The following CC2D2B variants were observed in gnomAD, a reference collection of about 807,000 sequenced individuals.
The protein encoded by CC2D2B is coiled-coil and C2 domain containing 2B.
A neutral mutation model predicts 161.2 loss-of-function variants in CC2D2B; 128 were observed. The observed-to-expected ratio is 0.79, with a 90% CI of 0.69 to 0.92. CC2D2B has a LOEUF of 0.92. Among genes scored for constraint, CC2D2B ranks in the 40% least tolerant of loss-of-function variants. The pLI, the probability that CC2D2B is intolerant of heterozygous loss-of-function variation, is 0.00. For synonymous variants in CC2D2B, 391 were observed against 449.8 expected (o/e 0.87, Z 1.65); for missense variants, 1,173 against 1,375.1 (o/e 0.85, Z 2.32).
At chr10:95,924,679 A>G in intron 4 of CC2D2B, 100 bp from the exon 5 acceptor site, 1 of 787,858 alleles carries the variant, frequency 1.3e-6, no homozygotes, top group East Asian at 2.7e-5. Flanking sequence ...TTTTTAAAAG[A>G]AAAACATTGC....
At chr10:95,975,390 G>A (rs1285588711) in intron 17 of CC2D2B, among the ~76,000 whole-genome samples, 1 of 152,276 alleles carries the variant, frequency 6.6e-6, no homozygotes, top group East Asian at 1.9e-4. Flanking sequence ...CAAGGAGATC[G>A]TTGGTATGGA....
intron 24 of CC2D2B, among the ~76,000 whole-genome samples, chr10:96,003,368 G>GTTTC (rs939235526): frequency 3.3e-5 from 5 of 151,884 alleles, no homozygotes; most frequent in Admixed American, 3.3e-4. Context: ...CATTATCCCA[G>GTTTC]TTTCTGCTTG....
At chr10:96,009,229 T>G (rs1394024110) in intron 25 of CC2D2B, among the ~76,000 whole-genome samples, 4 of 152,140 alleles carry the variant, frequency 2.6e-5, no homozygotes, top group Non-Finnish European at 4.4e-5. Flanking sequence ...TTTAATCCAC[T>G]CTGACAATCT....
chr10:95,980,738 A>G (rs1408888746), intron 17 of CC2D2B, among the ~76,000 whole-genome samples: 3 of 152,226 alleles, frequency 2.0e-5, no homozygotes, highest in Non-Finnish European at 4.4e-5. Context: ...CAGAAGAATC[A>G]TCAAAGAAAT....
chr10:95,926,269 T>C (rs369948519), intron 5 of CC2D2B, among the ~76,000 whole-genome samples: 9 of 152,142 alleles, frequency 5.9e-5, no homozygotes, highest in Middle Eastern at 3.4e-3. Flanking sequence ...GGAAGAGAAA[T>C]TGGCTTCTAA....
intron 34 of CC2D2B, among the ~76,000 whole-genome samples, chr10:96,027,879 A>G (rs535447225): frequency 8.5e-5 from 13 of 152,344 alleles, no homozygotes; most frequent in Non-Finnish European, 1.5e-4. Flanking sequence ...AAGAACATAC[A>G]CTGGGGAAAA....
chr10:95,973,063 C>A (rs953049221), intron 16 of CC2D2B, among the ~76,000 whole-genome samples: 2 of 151,392 alleles, frequency 1.3e-5, no homozygotes, highest in African/African-American at 2.4e-5. Flanking sequence ...TTATTCCTTT[C>A]TTTCACCTTC....
intron 9 of CC2D2B, among the ~76,000 whole-genome samples, chr10:95,940,302 G>A (rs1469959428): frequency 6.6e-6 from 1 of 152,100 alleles, no homozygotes; most frequent in African/African-American, 2.4e-5. Flanking sequence ...CTCCAACATT[G>A]GGGGTTACAA....
In CC2D2B at chr10:96,033,016, G is replaced by T. The variant is rs2080110879; in HGVS notation, c.*1008G>T. Among the ~76,000 whole-genome samples, 1 of 152,102 alleles carries T rather than the reference G, an allele frequency of 6.6e-6. No homozygotes were observed. Among genetic ancestry groups the T allele is most frequent in the African/African-American group, 2.4e-5 (1 of 41,408 alleles). On this transcript the variant is annotated 3_prime_UTR_variant, in exon 35 of 35. Coordinates refer to ENST00000646931, the MANE Select transcript of CC2D2B (RefSeq NM_001349008.3). ...TTTTGTCCTTCATTAAAAGAAATGT[G>T]TTTATATAATTTACTTACATATGAC...
intron 34 of CC2D2B, among the ~76,000 whole-genome samples, chr10:96,029,269 T>C (rs1436751317): frequency 3.2e-4 from 23 of 71,906 alleles, no homozygotes; most frequent in South Asian, 4.2e-4. Flanking sequence ...TATATATATA[T>C]ATATATATAT....
chr10:95,926,245 A>T (rs1247852248), intron 5 of CC2D2B, among the ~76,000 whole-genome samples: 2 of 152,140 alleles, frequency 1.3e-5, no homozygotes, highest in African/African-American at 4.8e-5. Context: ...GAGTATCAGG[A>T]AAAGGGGTTA....
intron 30 of CC2D2B, among the ~76,000 whole-genome samples, chr10:96,016,970 G>T (rs552968176): frequency 9.2e-5 from 14 of 152,050 alleles, no homozygotes; most frequent in Non-Finnish European, 1.9e-4. Flanking sequence ...CACCCGCCTT[G>T]GTCTCCCAAA....
intron 5 of CC2D2B, among the ~76,000 whole-genome samples, chr10:95,926,688 A>C (rs976067805): frequency 6.6e-6 from 1 of 152,158 alleles, no homozygotes; most frequent in Admixed American, 6.5e-5. Context: ...GTGATTTATC[A>C]ATTCAAAGAG....
chr10:95,977,678 TTG>T (rs1163433659), intron 17 of CC2D2B, among the ~76,000 whole-genome samples: 1 of 152,252 alleles, frequency 6.6e-6, no homozygotes, highest in Non-Finnish European at 1.5e-5. Flanking sequence ...TGTCTTTATT[TTG>T]CCCTCATTCT....
chr10:95,995,479 C>T (rs977009474), intron 23 of CC2D2B, 114 bp downstream of exon 23: 4 of 563,732 alleles, frequency 7.1e-6, no homozygotes, highest in African/African-American at 5.8e-5. Context: ...GTTTATTTTC[C>T]ATGACACAGT....
At position 95,933,208 on chromosome 10, in the gene CC2D2B, C is replaced by T. The variant is rs189582039; in HGVS notation, c.337-4783C>T. Reference sequence around the variant, plus strand: ...ACTTTTGTATGCTTCACGAAGTTCTCGTGCTGTGTTTTTCAGCTCCATCTG... The same window carrying T: ...ACTTTTGTATGCTTCACGAAGTTCTTGTGCTGTGTTTTTCAGCTCCATCTG... On this transcript the variant is annotated intron_variant, in intron 6 of 34. Transcript: ENST00000646931. 2.4e-4 allele frequency among the ~76,000 whole-genome samples: 37 copies of T among 151,990 alleles called. No individual in the cohort carries two copies. The East Asian group carries it at 5.0e-3, about 21-fold the overall frequency.
In CC2D2B at chr10:95,982,020, G is replaced by A. The variant is rs2141594174; in HGVS notation, c.1989G>A (p.Trp663Ter). Residue 663 changes from tryptophan to a stop codon, truncating the protein, a stop_gained, in exon 18 of 35, where the codon TGG becomes TGA. Coordinates refer to ENST00000646931, the MANE Select transcript of CC2D2B (RefSeq NM_001349008.3). LOFTEE classifies it high-confidence loss of function. The part of the protein sequence containing the change: ...VDARSVPGIP[W>*]LMNEQKLFEW... ...CAAGAAGTGTTCCTGGAATTCCATG[G>A]CTCATGAATGAACAGAAGCTTTTTG... 1 of 1,230,442 alleles carries A rather than the reference G, an allele frequency of 8.1e-7. No individual in the cohort carries two copies. Among genetic ancestry groups the A allele is most frequent in the African/African-American group, 1.6e-5 (1 of 64,472 alleles). 76.2% of individuals were successfully genotyped at this position (1,230,442 alleles called of 1,614,324 possible).
Position 95,972,197 on chromosome 10 carries a change from C to A in CC2D2B, c.1776C>A (p.Ala592=). 1 of 1,232,000 alleles carries A rather than the reference C, an allele frequency of 8.1e-7. No homozygotes were observed. 76.3% of individuals were successfully genotyped at this position (1,232,000 alleles called of 1,614,324 possible). A position where few individuals can be genotyped will look rare whatever the true frequency, so the allele number is the denominator to read the frequency against. The part of the protein sequence containing the change: ...EFSSDKLVMP[A]DGEVGSNVPF... The stretch of plus-strand genomic sequence containing the variant: ...GCTCTGATAAGCTGGTCATGCCTGC[C>A]GATGGAGAAGTAGGAAGCAGTGAGT... The change falls in exon 16 of 35, where the codon GCC becomes GCA. Residue 592 remains alanine, a synonymous_variant. Transcript: ENST00000646931.
chr10:95,959,695 A>G (rs2076696329), intron 11 of CC2D2B, among the ~76,000 whole-genome samples: 1 of 152,196 alleles, frequency 6.6e-6, no homozygotes, highest in East Asian at 1.9e-4. Context: ...GGAATAATCC[A>G]AGGAATGCAA....
Sources: gnomAD v4.1 joint callset for allele counts (sites outside exome capture counted in the v4.1 genomes callset) on GRCh38, gnomAD v4.1.1 for gene constraint, MANE v1.5 for transcripts, NCBI Gene and HGNC (gene_info 2026-07-23, HGNC 2026-07-21) for gene names.